Variants in OLFM2 observed in about 807,000 individuals in gnomAD.
The protein encoded by OLFM2 is olfactomedin 2.
Under a neutral mutation model 43.9 loss-of-function variants are expected in OLFM2, and 20 were observed. That is an observed-to-expected ratio of 0.46 (90% CI 0.32 to 0.66). The LOEUF is 0.66. Among genes scored for constraint, OLFM2 ranks in the 30% least tolerant of loss-of-function variants. The pLI, the probability that OLFM2 is intolerant of heterozygous loss-of-function variation, is 0.04. For missense variants in OLFM2, 416 were observed against 643.6 expected, an observed-to-expected ratio of 0.65 and a Z score of 3.83; for synonymous variants, 268 against 278.6, an observed-to-expected ratio of 0.96 and a Z score of 0.38.
chr19:9,853,866 G>A lies in OLFM2; in HGVS notation c.*320C>T. 1.9e-6 allele frequency: 1 copy of A among 530,374 alleles called. No homozygotes were observed. The highest frequency in any genetic ancestry group is 3.3e-6 in the Non-Finnish European group (1 of 303,992). 32.9% of individuals were successfully genotyped at this position (530,374 alleles called of 1,614,324 possible). A position where few individuals can be genotyped will look rare whatever the true frequency, so the allele number is the denominator to read the frequency against. On this transcript the variant is annotated 3_prime_UTR_variant, in exon 6 of 6. Coordinates refer to ENST00000264833, the MANE Select transcript of OLFM2 (RefSeq NM_058164.4). ...ATGGGTGGGAAGCAAGGAGGGAGGG[G>A]TGGAAGGACAGAGAGAGAGAGACAG...
intron 1 of OLFM2, among the ~76,000 whole-genome samples, chr19:9,885,365 AT>A (rs775152238): frequency 6.6e-6 from 1 of 152,160 alleles, no homozygotes; most frequent in Non-Finnish European, 1.5e-5. Context: ...AGCTGAGAAC[AT>A]GGTCTGGTGT....
intron 2 of OLFM2, among the ~76,000 whole-genome samples, chr19:9,859,589 G>A (rs1007816845): frequency 6.6e-6 from 1 of 152,050 alleles, no homozygotes; most frequent in African/African-American, 2.4e-5. Flanking sequence ...TACCACGCCC[G>A]GCCCAGGGGA....
intron 1 of OLFM2, among the ~76,000 whole-genome samples, chr19:9,896,155 C>T (rs1422335718): frequency 7.8e-6 from 1 of 128,100 alleles, no homozygotes; most frequent in Non-Finnish European, 1.5e-5. Context: ...GGATGGAGTG[C>T]AGTGGCGCGA....
intron 1 of OLFM2, among the ~76,000 whole-genome samples, chr19:9,894,415 A>AATAC (rs1568378569): frequency 2.0e-5 from 2 of 98,746 alleles, no homozygotes; most frequent in East Asian, 5.1e-4. Flanking sequence ...ATAATAATAA[A>AATAC]TAAATAAAAT....
At position 9,854,321 on chromosome 19, in the gene OLFM2, G is replaced by A; in HGVS notation, c.1230C>T (p.Phe410=). 1.2e-6 allele frequency: 2 copies of A among 1,614,152 alleles called. No homozygotes were observed. Among genetic ancestry groups the A allele is most frequent in the South Asian group, 1.1e-5 (1 of 91,084 alleles). ...TCGAGATGTGGGAATACTGGTTGTG[G>A]AAGGGCACGTCCGTGTACTCGTAAC... ...TSSYEYTDVP[F]HNQYSHISML... The change falls in exon 6 of 6, where the codon TTC becomes TTT. Residue 410 remains phenylalanine, a synonymous_variant. Coordinates refer to ENST00000264833, the MANE Select transcript of OLFM2 (RefSeq NM_058164.4). The surrounding 1 kb of genome is among the most constrained non-coding windows in gnomAD (Gnocchi z 9.5).
intron 1 of OLFM2, among the ~76,000 whole-genome samples, 167 bp downstream of exon 1, chr19:9,936,137 C>A (rs2086513198): frequency 1.3e-5 from 2 of 151,490 alleles, no homozygotes; most frequent in Non-Finnish European, 2.9e-5. Context: ...CTCTCCCAAG[C>A]CAGAGAGTGC....
chr19:9,908,128 G>A (rs1599494213), intron 1 of OLFM2, among the ~76,000 whole-genome samples: 2 of 151,592 alleles, frequency 1.3e-5, no homozygotes, highest in Admixed American at 6.6e-5. Context: ...TCTTCCGCTC[G>A]CTCACTATGC....
At position 9,857,591 on chromosome 19, in the gene OLFM2, G is replaced by A; in HGVS notation, c.361-109C>T. On this transcript the variant is annotated intron_variant, in intron 3 of 5. Transcript: ENST00000264833. The surrounding 1 kb of genome is among the most constrained non-coding windows in gnomAD (Gnocchi z 5.7). ...ACCCTTTGTCTTTGATGCACACCTG[G>A]CCCTTGACATGTGGCTCATATTGGA... 6.4e-7 allele frequency: 1 copy of A among 1,551,318 alleles called. No homozygotes were observed. The highest frequency in any genetic ancestry group is 8.9e-7 in the Non-Finnish European group (1 of 1,129,774).
intron 1 of OLFM2, among the ~76,000 whole-genome samples, chr19:9,884,093 C>T (rs1281162396): frequency 6.6e-6 from 1 of 151,724 alleles, no homozygotes; most frequent in East Asian, 1.9e-4. Flanking sequence ...CATAGTGAGA[C>T]CTCCGTCTCT....
chr19:9,905,180 G>A lies in OLFM2; in HGVS notation c.63+31124C>T, dbSNP rs931998234. On this transcript the variant is annotated intron_variant, in intron 1 of 5. Coordinates refer to ENST00000264833, the MANE Select transcript of OLFM2 (RefSeq NM_058164.4). ...CTACTAAAAATACAAAAAAAAGACC[G>A]GGTGCGGTGGCTCACACCTGTAATC... 6.6e-5 allele frequency among the ~76,000 whole-genome samples: 10 copies of A among 151,800 alleles called. No homozygotes were observed. In the South Asian group the frequency reaches 1.0e-3, roughly 16 times the overall value.
At chr19:9,894,310 C>T (rs1197342065) in intron 1 of OLFM2, among the ~76,000 whole-genome samples, 2 of 150,880 alleles carry the variant, frequency 1.3e-5, no homozygotes, top group South Asian at 4.2e-4. Flanking sequence ...AGGTAAGTCA[C>T]GGCTGCAGTG....
chr19:9,879,111 GGAGT>G (rs2046516894), intron 1 of OLFM2, among the ~76,000 whole-genome samples: 1 of 152,114 alleles, frequency 6.6e-6, no homozygotes, highest in African/African-American at 2.4e-5. Flanking sequence ...CTCCTGATAA[GGAGT>G]GAGTTCTTAT....
At chr19:9,902,475 T>C (rs1599490496) in intron 1 of OLFM2, among the ~76,000 whole-genome samples, 1 of 151,302 alleles carries the variant, frequency 6.6e-6, no homozygotes, top group Non-Finnish European at 1.5e-5. Flanking sequence ...CTCTGCCTTC[T>C]GGGTTCAAGC....
intron 1 of OLFM2, among the ~76,000 whole-genome samples, chr19:9,915,733 T>G (rs888993771): frequency 6.6e-6 from 1 of 151,860 alleles, no homozygotes; most frequent in Non-Finnish European, 1.5e-5. Flanking sequence ...TTAGCCAGGA[T>G]GGTCTCAATC....
Position 9,908,464 on chromosome 19 carries a change from A to ATTTT in OLFM2, c.63+27836_63+27839dup, listed in dbSNP as rs34305631. Among the ~76,000 whole-genome samples, 19 of 40,364 alleles carry ATTTT rather than the reference A, an allele frequency of 4.7e-4. 1 individual carries two copies. Among genetic ancestry groups the ATTTT allele is most frequent in the African/African-American group, 2.1e-3 (17 of 8,242 alleles). The allele number at this position is 40,364 out of a possible 152,430, so 26.5% of individuals were successfully genotyped here. A position where few individuals can be genotyped will look rare whatever the true frequency, so the allele number is the denominator to read the frequency against. Reference sequence around the variant, plus strand: ...AGGTGCCTGCCATCACACCTGGCTAATTTTTTTTTTTTTTTTTTTTTTTTT... The same window carrying ATTTT: ...AGGTGCCTGCCATCACACCTGGCTAATTTTTTTTTTTTTTTTTTTTTTTTTTTTT... On this transcript the variant is annotated intron_variant, in intron 1 of 5. Transcript: ENST00000264833.
chr19:9,872,321 G>A (rs1182980839), intron 1 of OLFM2, among the ~76,000 whole-genome samples: 7 of 152,112 alleles, frequency 4.6e-5, no homozygotes, highest in African/African-American at 1.7e-4. Flanking sequence ...GGACCAGCCT[G>A]GGCAATATGG....
intron 1 of OLFM2, among the ~76,000 whole-genome samples, chr19:9,874,557 T>C (rs956918945): frequency 6.6e-6 from 1 of 152,148 alleles, no homozygotes; most frequent in Non-Finnish European, 1.5e-5. Context: ...CTCGGCTCAC[T>C]GCAACCTCTA....
At position 9,857,893 on chromosome 19, in the gene OLFM2, C is replaced by T. The variant is rs747014673; in HGVS notation, c.214-32G>A. On this transcript the variant is annotated intron_variant, in intron 2 of 5. Transcript: ENST00000264833. The surrounding 1 kb of genome is among the most constrained non-coding windows in gnomAD (Gnocchi z 5.7). ...ATGGGGACAACTGAAGGGACCAGAC[C>T]TCCTTCCCCAAATCCCAACCCAGAG... The T allele has an allele frequency of 1.4e-5, 23 of 1,613,396 alleles. No homozygotes were observed. The highest frequency in any genetic ancestry group is 1.8e-5 in the Non-Finnish European group (21 of 1,179,962).
At chr19:9,873,770 C>T (rs2046462215) in intron 1 of OLFM2, among the ~76,000 whole-genome samples, 1 of 149,044 alleles carries the variant, frequency 6.7e-6, no homozygotes, top group African/African-American at 2.5e-5. Flanking sequence ...GCTGGGACTA[C>T]CGATGTACAC....
Sources: allele counts gnomAD v4.1 joint callset (sites outside exome capture counted in the v4.1 genomes callset), GRCh38; gene constraint gnomAD v4.1.1; non-coding constraint Gnocchi (gnomAD v3.1); transcripts MANE v1.5; gene names NCBI Gene and HGNC (gene_info 2026-07-23, HGNC 2026-07-21).